SLC14A1: variants seen among roughly 807,000 people sequenced by gnomAD.
SLC14A1 encodes urea transporter 1.
SLC14A1 carries 36 observed loss-of-function variants against 39.6 expected under a neutral mutation model. The ratio of observed to expected loss-of-function variants is 0.91; its 90% CI spans 0.70 to 1.20. The LOEUF (loss-of-function observed/expected upper bound fraction) is 1.20, where lower values mean the gene tolerates loss of function less well. Ranked by LOEUF, SLC14A1 falls within the 50% of genes most tolerant of loss-of-function variation. The probability of loss-of-function intolerance (pLI) is 0.00; values close to 1 mark genes in which losing one functional copy is unlikely to be tolerated. For synonymous variants in SLC14A1, 164 were observed against 173.6 expected (o/e 0.94, Z 0.43); for missense variants, 469 against 478.7 (o/e 0.98, Z 0.19).
intron 2 of SLC14A1, chr18:45,727,397 G>A (rs2046897462): frequency 2.6e-6 from 4 of 1,549,392 alleles, no homozygotes; most frequent in Middle Eastern, 1.7e-4. Flanking sequence ...GCTTGGCCCT[G>A]GCAGATGGGT....
intron 8 of SLC14A1, 100 bp downstream of exon 8, chr18:45,739,762 GTTC>G (rs1431690816): frequency 6.5e-7 from 1 of 1,536,002 alleles, no homozygotes; most frequent in East Asian, 2.3e-5. Flanking sequence ...CAGGGCCAGG[GTTC>G]TGGCTTGAGC....
At chr18:45,735,404 C>G (rs2047164022) in intron 5 of SLC14A1, among the ~76,000 whole-genome samples, 1 of 152,050 alleles carries the variant, frequency 6.6e-6, no homozygotes, top group African/African-American at 2.4e-5. Context: ...ACGTGAATTC[C>G]CCCTTACCCA....
At position 45,730,337 on chromosome 18, in the gene SLC14A1, C is replaced by T. The variant is rs1315072379; in HGVS notation, c.17C>T (p.Thr6Ile). The T allele has an allele frequency of 1.4e-5, 22 of 1,613,122 alleles. No homozygotes were observed. The highest frequency in any genetic ancestry group is 1.9e-5 in the Non-Finnish European group (22 of 1,179,912). MEDSP[T>I]MVRVDSPTMV... The stretch of plus-strand genomic sequence containing the variant: ...GAGATAGCCATGGAGGACAGCCCCA[C>T]TATGGTTAGAGTGGACAGCCCCACT... Residue 6 changes from threonine to isoleucine, a missense_variant, in exon 3 of 10, where the codon ACT (threonine) becomes ATT (isoleucine). Physicochemically the swap from Thr to Ile is moderately conservative, Grantham distance 89. Transcript: ENST00000321925.
In SLC14A1 at chr18:45,727,888, G is replaced by A. The variant is rs1192225784; in HGVS notation, c.-21-2412G>A. On this transcript the variant is annotated intron_variant, in intron 2 of 9. Coordinates refer to ENST00000321925, the MANE Select transcript of SLC14A1 (RefSeq NM_015865.7). ...TAGGCCAACTACAACTGTAAGTTTC[G>A]TATTTCTCCTAAGTGGTTCTCATGC... Among the ~76,000 whole-genome samples the A allele has an allele frequency of 2.6e-5, 4 of 152,106 alleles. No homozygotes were observed. In the East Asian group the frequency reaches 5.8e-4, roughly 22 times the overall value.
chr18:45,730,175 A>C (rs572639154), intron 2 of SLC14A1, 125 bp from the exon 3 acceptor site: 6 of 1,028,644 alleles, frequency 5.8e-6, no homozygotes, highest in South Asian at 2.0e-5. Flanking sequence ...TTCAGAAGGA[A>C]AATGGTGCTC....
At chr18:45,747,109 C>CAAGA (rs2047565342) in intron 8 of SLC14A1, 1 of 152,172 alleles carries the variant, frequency 6.6e-6, no homozygotes, top group South Asian at 2.1e-4. Context: ...CCCCACACAC[C>CAAGA]AAGATAGCTG....
chr18:45,739,858 A>T, intron 8 of SLC14A1, 196 bp downstream of exon 8: 1 of 651,006 alleles, frequency 1.5e-6, no homozygotes. Flanking sequence ...TACCTCTCTG[A>T]TGATTGTGAA....
At position 45,739,561 on chromosome 18, in the gene SLC14A1, A is replaced by G. The variant is rs1253866403; in HGVS notation, c.845A>G (p.Tyr282Cys). 1.9e-6 allele frequency: 3 copies of G among 1,614,024 alleles called. No homozygotes were observed. The highest frequency in any genetic ancestry group is 2.2e-5 in the South Asian group (2 of 91,076). ...LSLSAPFEDI[Y>C]FGLWGFNSSL... is the part of the protein sequence containing the mutation. The stretch of plus-strand genomic sequence containing the variant: ...CTTTCAGCCCCATTTGAGGACATCT[A>G]CTTTGGACTCTGGGGTTTCAACAGC... The change falls in exon 8 of 10, where the codon TAC becomes TGC. Residue 282 changes from tyrosine to cysteine, a missense_variant. By Grantham distance (194) the Tyr-to-Cys change is radical. Coordinates refer to ENST00000321925, the MANE Select transcript of SLC14A1 (RefSeq NM_015865.7).
intron 2 of SLC14A1, among the ~76,000 whole-genome samples, chr18:45,725,536 G>T (rs2046840986): frequency 6.6e-6 from 1 of 152,170 alleles, no homozygotes; most frequent in African/African-American, 2.4e-5. Flanking sequence ...CCCACCCCAA[G>T]ATTAGTTCAA....
chr18:45,739,371 G>A, intron 7 of SLC14A1, 61 bp downstream of exon 7: 1 of 1,612,040 alleles, frequency 6.2e-7, no homozygotes, highest in Non-Finnish European at 8.5e-7. Flanking sequence ...ATTGCCTCAG[G>A]CATCTTCTGT....
At chr18:45,746,079 C>T (rs902544134) in intron 8 of SLC14A1, among the ~76,000 whole-genome samples, 21 of 152,246 alleles carry the variant, frequency 1.4e-4, no homozygotes, top group African/African-American at 4.8e-4. Context: ...GCCAGAGCAA[C>T]TGCGTGGCCA....
intron 6 of SLC14A1, 27 bp downstream of exon 6, chr18:45,736,675 G>A (rs368659981): frequency 2.9e-5 from 46 of 1,605,562 alleles, no homozygotes; most frequent in African/African-American, 2.4e-4. Context: ...TCTCACATTC[G>A]CCCTGGCTCT....
At chr18:45,730,586 T>C (rs774320650) in intron 3 of SLC14A1, 115 bp downstream of exon 3, 3 of 1,162,908 alleles carry the variant, frequency 2.6e-6, no homozygotes, top group African/African-American at 1.5e-5. Context: ...TAGATCTCTT[T>C]ACTCACCATT....
At position 45,752,204 on chromosome 18, in the gene SLC14A1, G is replaced by T; in HGVS notation, c.*2253G>T. 1 of 984,890 alleles carries T rather than the reference G, an allele frequency of 1.0e-6. No individual in the cohort carries two copies. The highest frequency in any genetic ancestry group is 1.2e-6 in the Non-Finnish European group (1 of 829,764). 61.0% of individuals were successfully genotyped at this position (984,890 alleles called of 1,614,324 possible). A position where few individuals can be genotyped will look rare whatever the true frequency, so the allele number is the denominator to read the frequency against. Reference sequence around the variant, plus strand: ...GAACGTGTGAAAGAAGAATTGTGGGGAAAAAAAAGCAAGCATAACCAAAGA... The same window carrying T: ...GAACGTGTGAAAGAAGAATTGTGGGTAAAAAAAAGCAAGCATAACCAAAGA... On this transcript the variant is annotated 3_prime_UTR_variant, in exon 10 of 10. Transcript: ENST00000321925.
Position 45,725,653 on chromosome 18 carries a change from G to T in SLC14A1, c.-22+640G>T, listed in dbSNP as rs536882427. Among the ~76,000 whole-genome samples the T allele has an allele frequency of 1.1e-4, 16 of 152,256 alleles. No individual in the cohort carries two copies. The South Asian group carries it at 3.1e-3, about 30-fold the overall frequency. ...CTTCACTTGTTTGTTGACTTGAACC[G>T]AACCTTGGGTGGCATTAATGTGCCT... On this transcript the variant is annotated intron_variant, in intron 2 of 9. Coordinates refer to ENST00000321925, the MANE Select transcript of SLC14A1 (RefSeq NM_015865.7).
intron 8 of SLC14A1, among the ~76,000 whole-genome samples, chr18:45,742,164 G>A (rs940362335): frequency 6.6e-6 from 1 of 152,066 alleles, no homozygotes; most frequent in Admixed American, 6.5e-5. Context: ...GTACCTCCAG[G>A]AAGAAGGGGG....
rs376494776 is a variant in SLC14A1 at position 45,739,665 on chromosome 18, G to A, written c.946+3G>A. 39 of 1,614,180 alleles carry A rather than the reference G, an allele frequency of 2.4e-5. No individual in the cohort carries two copies. The highest frequency in any genetic ancestry group is 3.0e-5 in the Non-Finnish European group (35 of 1,180,026). On this transcript the variant is annotated splice_donor_region_variant and intron_variant, in intron 8 of 9. Transcript: ENST00000321925. ...CCACCTCCTGGCTCTTGGCTGTGGT[G>A]AGTCTCCCACGCCCCTGGGGGAGGG...
chr18:45,726,941 A>C, intron 2 of SLC14A1: 1 of 234,564 alleles, frequency 4.3e-6, no homozygotes, highest in African/African-American at 2.2e-5. Context: ...CCTCAGATCC[A>C]ACAGCAGAGA....
chr18:45,727,358 C>T (rs1287941484), intron 2 of SLC14A1: 9 of 1,551,600 alleles, frequency 5.8e-6, no homozygotes, highest in South Asian at 1.2e-5. Flanking sequence ...AAGCTGGTGA[C>T]GCAGCGCGCA....
Sources: gnomAD v4.1 joint callset for allele counts (sites outside exome capture counted in the v4.1 genomes callset) on GRCh38, gnomAD v4.1.1 for gene constraint, MANE v1.5 for transcripts, NCBI Gene and HGNC (gene_info 2026-07-23, HGNC 2026-07-21) for gene names.